WDPCP: variants seen among roughly 807,000 people sequenced by gnomAD.
The protein encoded by WDPCP is WD repeat-containing and planar cell polarity effector protein fritz homolog.
A neutral mutation model predicts 93.1 loss-of-function variants in WDPCP; 71 were observed. The ratio of observed to expected loss-of-function variants is 0.76; its 90% CI spans 0.63 to 0.93. WDPCP has a LOEUF of 0.93. WDPCP is among the 40% of genes least tolerant of loss of function. The probability of loss-of-function intolerance (pLI) is 0.00; values close to 1 mark genes in which losing one functional copy is unlikely to be tolerated. For missense variants in WDPCP, 844 were observed against 887.4 expected, an observed-to-expected ratio of 0.95 and a Z score of 0.62; for synonymous variants, 315 against 315.0, an observed-to-expected ratio of 1.00 and a Z score of 0.00.
intron 13 of WDPCP, among the ~76,000 whole-genome samples, chr2:63,306,358 G>C (rs1685744411): frequency 1.3e-5 from 2 of 152,114 alleles, no homozygotes. Context: ...CCAAACAATA[G>C]AAAAAGAGGG....
chr2:63,810,379 TAA>T (rs1460234824), intron 2 of WDPCP, among the ~76,000 whole-genome samples: 2 of 152,372 alleles, frequency 1.3e-5, no homozygotes, highest in East Asian at 3.9e-4. Context: ...TAAAAAGTTA[TAA>T]AAGTGTTATA....
Position 63,685,607 on chromosome 2 carries a change from C to T in WDPCP, n.309-34769G>A, listed in dbSNP as rs541344427. On this transcript the variant is annotated intron_variant and non_coding_transcript_variant, in intron 2 of 4. Coordinates refer to the WDPCP transcript ENST00000467687. ...GAATACTTCCAAATGCGTTCTGTGA[C>T]GACAGTATAATCCCGATACCAAAAA... 5.9e-5 allele frequency among the ~76,000 whole-genome samples: 9 copies of T among 152,154 alleles called. No individual in the cohort carries two copies. In the South Asian group the frequency reaches 6.2e-4, roughly 11 times the overall value.
At chr2:63,372,952 C>G (rs1017676632) in intron 12 of WDPCP, among the ~76,000 whole-genome samples, 1 of 152,108 alleles carries the variant, frequency 6.6e-6, no homozygotes, top group Non-Finnish European at 1.5e-5. Context: ...GGAGAAACCC[C>G]ATCTCTACTA....
At chr2:63,803,724 C>T (rs1670725947) in intron 2 of WDPCP, among the ~76,000 whole-genome samples, 1 of 152,120 alleles carries the variant, frequency 6.6e-6, no homozygotes, top group Non-Finnish European at 1.5e-5. Flanking sequence ...TTTATTATTA[C>T]TAAGGAGGCT....
intron 6 of WDPCP, among the ~76,000 whole-genome samples, chr2:63,451,036 A>G (rs1160728871): frequency 2.6e-5 from 4 of 152,140 alleles, no homozygotes. Flanking sequence ...AAAGATTTCA[A>G]AAGTATGATA....
At chr2:63,343,552 G>T (rs1388932838) in intron 12 of WDPCP, among the ~76,000 whole-genome samples, 1 of 152,082 alleles carries the variant, frequency 6.6e-6, no homozygotes, top group African/African-American at 2.4e-5. Context: ...CTTGAATTTT[G>T]TTGAGCTTCT....
chr2:63,593,553 G>A, upstream of WDPCP: 1 of 471,262 alleles, frequency 2.1e-6, no homozygotes, highest in Non-Finnish European at 4.4e-6. Context: ...CTCTCATCTG[G>A]AAGAAGGAAC....
In WDPCP at chr2:63,251,744, G is replaced by A. The variant is rs1390733114; in HGVS notation, c.1915+7563C>T. Reference sequence around the variant, plus strand: ...CTGACCTCATGATCTGCCCACCTCGGCCTCCCAAAGTGCTGGGATTACAGG... The same window carrying A: ...CTGACCTCATGATCTGCCCACCTCGACCTCCCAAAGTGCTGGGATTACAGG... On this transcript the variant is annotated intron_variant, in intron 14 of 17. Transcript: ENST00000272321. 2.0e-5 allele frequency among the ~76,000 whole-genome samples: 3 copies of A among 151,632 alleles called. No individual in the cohort carries two copies. The East Asian group carries it at 5.8e-4, about 29-fold the overall frequency.
intron 17 of WDPCP, among the ~76,000 whole-genome samples, chr2:63,140,496 G>A (rs1281367816): frequency 2.0e-5 from 3 of 150,392 alleles, no homozygotes; most frequent in Non-Finnish European, 4.4e-5. Context: ...TTTCAGCAGT[G>A]TTTTGTAGTT....
At chr2:63,763,216 T>C (rs1670083144) in intron 2 of WDPCP, among the ~76,000 whole-genome samples, 1 of 152,138 alleles carries the variant, frequency 6.6e-6, no homozygotes, top group African/African-American at 2.4e-5. Context: ...AAGGTATTTG[T>C]TGATGGTCCG....
chr2:63,475,446 C>A (rs184865429), intron 6 of WDPCP, among the ~76,000 whole-genome samples: 1 of 152,166 alleles, frequency 6.6e-6, no homozygotes, highest in Admixed American at 6.6e-5. Context: ...AGATATTAAA[C>A]TTTAGATACT....
At chr2:63,232,112 A>G (rs536411254) in intron 14 of WDPCP, among the ~76,000 whole-genome samples, 17 of 152,212 alleles carry the variant, frequency 1.1e-4, no homozygotes, top group African/African-American at 4.1e-4. Context: ...TGGTACTGGG[A>G]AAACTGGCTA....
At chr2:63,658,923 G>T (rs781580020) in intron 2 of WDPCP, among the ~76,000 whole-genome samples, 1 of 152,056 alleles carries the variant, frequency 6.6e-6, no homozygotes, top group African/African-American at 2.4e-5. Context: ...GACTTTCGTC[G>T]TCTTGATTTA....
At chr2:63,408,673 G>A (rs571359179) in intron 9 of WDPCP, among the ~76,000 whole-genome samples, 1 of 152,116 alleles carries the variant, frequency 6.6e-6, no homozygotes, top group Non-Finnish European at 1.5e-5. Flanking sequence ...AGCCTGGCTC[G>A]CCCACTGCCT....
At chr2:63,563,580 T>A (rs1706796298) in intron 1 of WDPCP, among the ~76,000 whole-genome samples, 1 of 152,032 alleles carries the variant, frequency 6.6e-6, no homozygotes, top group African/African-American at 2.4e-5. Flanking sequence ...TACTAATGCA[T>A]ATAGGCCTGC....
intron 2 of WDPCP, among the ~76,000 whole-genome samples, chr2:63,671,981 G>T (rs1247680472): frequency 6.6e-6 from 1 of 152,082 alleles, no homozygotes; most frequent in Non-Finnish European, 1.5e-5. Flanking sequence ...CGTCTCTGTG[G>T]GGAGGTGGGA....
chr2:63,208,045 C>G (rs1163326577), intron 14 of WDPCP, among the ~76,000 whole-genome samples: 1 of 151,860 alleles, frequency 6.6e-6, no homozygotes, highest in Non-Finnish European at 1.5e-5. Context: ...GTTTCTTATT[C>G]TTTCATTCTC....
chr2:63,832,734 G>T (rs1485231530), upstream of WDPCP, among the ~76,000 whole-genome samples: 1 of 152,088 alleles, frequency 6.6e-6, no homozygotes, highest in Non-Finnish European at 1.5e-5. Flanking sequence ...TTTCTTTTGA[G>T]TGCCTATTAT....
At chr2:63,192,063 C>T (rs915906694) in intron 14 of WDPCP, among the ~76,000 whole-genome samples, 7 of 152,254 alleles carry the variant, frequency 4.6e-5, no homozygotes, top group South Asian at 2.1e-4. Flanking sequence ...CTCCTTACCC[C>T]CCTTTAAATT....
Sources: gnomAD v4.1 joint callset for allele counts (sites outside exome capture counted in the v4.1 genomes callset) on GRCh38, gnomAD v4.1.1 for gene constraint, MANE v1.5 for transcripts, NCBI Gene and HGNC (gene_info 2026-07-23, HGNC 2026-07-21) for gene names.